Variants in TMTC1 observed in about 807,000 individuals in gnomAD.
TMTC1 encodes the protein protein O-mannosyl-transferase TMTC1.
In TMTC1, 73 loss-of-function variants were observed where a neutral mutation model predicts 104.8. The observed-to-expected ratio is 0.70, with a 90% CI of 0.58 to 0.85. The LOEUF (loss-of-function observed/expected upper bound fraction) is 0.85, where lower values mean the gene tolerates loss of function less well. TMTC1 is among the 40% of genes least tolerant of loss of function. TMTC1 has a pLI of 0.00. For missense variants in TMTC1, 1,035 were observed against 1,096.1 expected, an observed-to-expected ratio of 0.94 and a Z score of 0.79; for synonymous variants, 434 against 428.7, an observed-to-expected ratio of 1.01 and a Z score of -0.15.
chr12:29,668,995 TAAG>T (rs1360702413), intron 5 of TMTC1, among the ~76,000 whole-genome samples: 2 of 151,866 alleles, frequency 1.3e-5, no homozygotes. Flanking sequence ...GAAAAAATGG[TAAG>T]AAGGAGAATG....
chr12:29,536,414 A>G, intron 10 of TMTC1, 97 bp from the exon 11 acceptor site: 1 of 784,754 alleles, frequency 1.3e-6, no homozygotes, highest in Non-Finnish European at 2.1e-6. Flanking sequence ...TCTTTTAGCA[A>G]AGGTTAGCTG....
chr12:29,711,330 T>C (rs935843184), intron 5 of TMTC1, among the ~76,000 whole-genome samples: 1 of 152,158 alleles, frequency 6.6e-6, no homozygotes, highest in Non-Finnish European at 1.5e-5. Flanking sequence ...GGAACAAGTT[T>C]CATGTGATAA....
intron 11 of TMTC1, among the ~76,000 whole-genome samples, chr12:29,522,453 C>T (rs1027659081): frequency 6.6e-6 from 1 of 152,064 alleles, no homozygotes; most frequent in Non-Finnish European, 1.5e-5. Context: ...AACAAATTAT[C>T]AAATTCAAAA....
At chr12:29,771,653 T>C (rs1418149653) in intron 1 of TMTC1, among the ~76,000 whole-genome samples, 2 of 152,028 alleles carry the variant, frequency 1.3e-5, no homozygotes, top group African/African-American at 2.4e-5. Context: ...GGTGCAGACA[T>C]GGGGAAGAGG....
intron 6 of TMTC1, among the ~76,000 whole-genome samples, chr12:29,612,803 C>A (rs1000659535): frequency 6.6e-6 from 1 of 152,164 alleles, no homozygotes. Context: ...ATTTATTTGA[C>A]TGATCTTAGT....
chr12:29,557,961 A>G (rs1945288467), intron 9 of TMTC1, among the ~76,000 whole-genome samples: 1 of 152,226 alleles, frequency 6.6e-6, no homozygotes, highest in Non-Finnish European at 1.5e-5. Context: ...TAGAACACTT[A>G]AAGACAAAAA....
intron 11 of TMTC1, among the ~76,000 whole-genome samples, chr12:29,528,842 T>C (rs1267493952): frequency 6.6e-6 from 1 of 152,030 alleles, no homozygotes; most frequent in East Asian, 1.9e-4. Flanking sequence ...ACTTTAAAAA[T>C]ATGTGCTAGT....
chr12:29,679,392 A>G (rs1271466255), intron 5 of TMTC1, among the ~76,000 whole-genome samples: 43 of 152,182 alleles, frequency 2.8e-4, no homozygotes, highest in Admixed American at 2.8e-3. Flanking sequence ...AGTCAGAACA[A>G]AAGTCAGTAA....
chr12:29,639,057 T>G (rs1023824073), intron 5 of TMTC1, among the ~76,000 whole-genome samples: 3 of 152,192 alleles, frequency 2.0e-5, no homozygotes, highest in Admixed American at 1.3e-4. Flanking sequence ...CCCTCCTCAA[T>G]ACACAGGGAA....
intron 5 of TMTC1, among the ~76,000 whole-genome samples, chr12:29,751,427 T>C (rs1943087334): frequency 6.6e-6 from 1 of 152,052 alleles, no homozygotes; most frequent in Non-Finnish European, 1.5e-5. Context: ...CCACACCCCA[T>C]CACAGGCAGG....
At chr12:29,643,304 A>T (rs1938950571) in intron 5 of TMTC1, among the ~76,000 whole-genome samples, 1 of 151,148 alleles carries the variant, frequency 6.6e-6, no homozygotes, top group African/African-American at 2.4e-5. Flanking sequence ...ATCTACCCAG[A>T]ACATAAGAAG....
chr12:29,565,243 T>C (rs114832802), intron 9 of TMTC1, among the ~76,000 whole-genome samples: 146 of 152,302 alleles, frequency 9.6e-4, no homozygotes, highest in Middle Eastern at 3.4e-3. Flanking sequence ...TTCAACGGGA[T>C]GGATGAGGCC....
intron 5 of TMTC1, among the ~76,000 whole-genome samples, chr12:29,673,482 AT>A (rs1433695895): frequency 6.6e-6 from 1 of 152,284 alleles, no homozygotes; most frequent in East Asian, 1.9e-4. Flanking sequence ...TTTTTCGAAC[AT>A]TCTTCTAATT....
intron 1 of TMTC1, among the ~76,000 whole-genome samples, chr12:29,768,870 C>T (rs1943533743): frequency 1.3e-5 from 2 of 152,170 alleles, no homozygotes; most frequent in Non-Finnish European, 2.9e-5. Context: ...AGACAGACTT[C>T]TGAAGGTTGC....
intron 5 of TMTC1, among the ~76,000 whole-genome samples, chr12:29,726,824 T>G (rs1220203379): frequency 1.3e-5 from 2 of 152,196 alleles, no homozygotes; most frequent in East Asian, 1.9e-4. Flanking sequence ...TCCGAAGACT[T>G]ACTTAGATTA....
intron 1 of TMTC1, among the ~76,000 whole-genome samples, chr12:29,770,934 T>A (rs1943581726): frequency 1.3e-5 from 2 of 152,284 alleles, no homozygotes; most frequent in South Asian, 4.1e-4. Context: ...ATGTGATGCA[T>A]GCATCACATC....
At chr12:29,692,028 C>A in intron 5 of TMTC1, among the ~76,000 whole-genome samples, 1 of 145,194 alleles carries the variant, frequency 6.9e-6, no homozygotes, top group South Asian at 2.2e-4. Context: ...AGCTCATGAG[C>A]ACATTGTGAT....
chr12:29,566,054 T>C (rs147279108), intron 9 of TMTC1, among the ~76,000 whole-genome samples: 5 of 151,804 alleles, frequency 3.3e-5, no homozygotes, highest in Non-Finnish European at 7.4e-5. Flanking sequence ...GGGTGATAAA[T>C]GGAGAAAAAT....
At chr12:29,749,001 A>G (rs1943023989) in intron 5 of TMTC1, among the ~76,000 whole-genome samples, 1 of 152,186 alleles carries the variant, frequency 6.6e-6, no homozygotes, top group South Asian at 2.1e-4. Context: ...ACATGGCATC[A>G]TGGCGGACTA....
Sources: gnomAD v4.1 joint callset for allele counts (sites outside exome capture counted in the v4.1 genomes callset) on GRCh38, gnomAD v4.1.1 for gene constraint, MANE v1.5 for transcripts, NCBI Gene and HGNC (gene_info 2026-07-23, HGNC 2026-07-21) for gene names.